Variants in TTYH2 observed in about 807,000 individuals in gnomAD.
The protein encoded by TTYH2 is tweety family member 2.
Under a neutral mutation model 68.3 loss-of-function variants are expected in TTYH2, and 49 were observed. The observed-to-expected ratio is 0.72, with a 90% CI of 0.57 to 0.91. The LOEUF is 0.91. Ranked by LOEUF, TTYH2 falls within the 40% of genes least tolerant of loss-of-function variation. The pLI, the probability that TTYH2 is intolerant of heterozygous loss-of-function variation, is 0.00. For missense variants in TTYH2, 631 were observed against 700.4 expected, an observed-to-expected ratio of 0.90 and a Z score of 1.12; for synonymous variants, 272 against 300.8, an observed-to-expected ratio of 0.90 and a Z score of 0.99.
At chr17:74,220,100 C>A (rs1480062117) in intron 1 of TTYH2, among the ~76,000 whole-genome samples, 2 of 152,046 alleles carry the variant, frequency 1.3e-5, no homozygotes, top group African/African-American at 4.8e-5. Flanking sequence ...CCCATCCCAG[C>A]ATCCCCAGTA....
At chr17:74,218,802 T>C (rs1567808959) in intron 1 of TTYH2, among the ~76,000 whole-genome samples, 1 of 152,126 alleles carries the variant, frequency 6.6e-6, no homozygotes, top group Non-Finnish European at 1.5e-5. Flanking sequence ...TTCAGGAGCT[T>C]TTCCCACTGG....
rs1413367778 is a variant in TTYH2 at position 74,239,186 on chromosome 17, G to A, written c.635+1672G>A. ...GCACTGGACACAATCGGCGGAGCAG[G>A]GACCTGCTGCCCCTCTCCAGGTGCA... On this transcript the variant is annotated intron_variant, in intron 4 of 13. Transcript: ENST00000269346. The surrounding 1 kb of genome is among the most constrained non-coding windows in gnomAD (Gnocchi z 5.3). Among the ~76,000 whole-genome samples the A allele has an allele frequency of 6.6e-6, 1 of 152,186 alleles. No individual in the cohort carries two copies. Among genetic ancestry groups the A allele is most frequent in the Non-Finnish European group, 1.5e-5 (1 of 68,042 alleles).
At chr17:74,240,852 G>A (rs1365399362) in intron 4 of TTYH2, 1 of 152,104 alleles carries the variant, frequency 6.6e-6, no homozygotes, top group African/African-American at 2.4e-5. Context: ...TAGAGGAGAT[G>A]TTTCCAGGAA....
At position 74,222,210 on chromosome 17, in the gene TTYH2, C is replaced by T. The variant is rs1237970807; in HGVS notation, c.130-275C>T. On this transcript the variant is annotated intron_variant, in intron 1 of 13. Transcript: ENST00000269346. The surrounding 1 kb of genome is among the most constrained non-coding windows in gnomAD (Gnocchi z 5.2). ...TCCGTATCTTCATCCAGGGTCTGAA[C>T]CAGAAACCGGAGACCAGCTCTGGCA... 6.6e-6 allele frequency among the ~76,000 whole-genome samples: 1 copy of T among 152,178 alleles called. No homozygotes were observed. The highest frequency in any genetic ancestry group is 2.4e-5 in the African/African-American group (1 of 41,438).
chr17:74,232,495 C>T lies in TTYH2; in HGVS notation c.414+1496C>T, dbSNP rs1320314667. Among the ~76,000 whole-genome samples the T allele has an allele frequency of 6.6e-6, 1 of 152,220 alleles. No homozygotes were observed. Among genetic ancestry groups the T allele is most frequent in the Non-Finnish European group, 1.5e-5 (1 of 68,036 alleles). On this transcript the variant is annotated intron_variant, in intron 3 of 13. Coordinates refer to ENST00000269346, the MANE Select transcript of TTYH2 (RefSeq NM_032646.6). The surrounding 1 kb of genome is among the most constrained non-coding windows in gnomAD (Gnocchi z 5.1). Reference sequence around the variant, plus strand: ...AGCCTTGCGCGGTGAGCTGGGGCGGCTGGGTTGGAGGAGCTGAGGGACAGC... The same window carrying T: ...AGCCTTGCGCGGTGAGCTGGGGCGGTTGGGTTGGAGGAGCTGAGGGACAGC...
At position 74,217,066 on chromosome 17, in the gene TTYH2, G is replaced by A. The variant is rs905610004; in HGVS notation, c.129+3350G>A. On this transcript the variant is annotated intron_variant, in intron 1 of 13. Transcript: ENST00000269346. This position sits in a 1 kb window ranked among gnomAD's most constrained non-coding sequence, Gnocchi z 4.0. ...GCAATGTCTCTCTGAGCAAATGAAC[G>A]AGGCACTTCGGTGTCCCTGCCTGAG... is the stretch of plus-strand genomic sequence containing the variant. 2.0e-5 allele frequency among the ~76,000 whole-genome samples: 3 copies of A among 152,202 alleles called. No homozygotes were observed. The highest frequency in any genetic ancestry group is 2.4e-5 in the African/African-American group (1 of 41,446).
At chr17:74,246,297 C>T (rs1305813801) in intron 6 of TTYH2, among the ~76,000 whole-genome samples, 1 of 152,186 alleles carries the variant, frequency 6.6e-6, no homozygotes, top group Non-Finnish European at 1.5e-5. Context: ...ATCCTCCCTT[C>T]ACCCCTTCCC....
chr17:74,251,180 G>A (rs1305170928), intron 10 of TTYH2, among the ~76,000 whole-genome samples: 1 of 151,558 alleles, frequency 6.6e-6, no homozygotes, highest in Non-Finnish European at 1.5e-5. Context: ...GCATGCTTGT[G>A]CGCATGTGTG....
chr17:74,237,640 T>G, intron 4 of TTYH2, 126 bp downstream of exon 4: 1 of 857,174 alleles, frequency 1.2e-6, no homozygotes, highest in Non-Finnish European at 1.7e-6. Context: ...TTGTTTTGTT[T>G]TTTTAAGACA....
intron 4 of TTYH2, among the ~76,000 whole-genome samples, chr17:74,238,123 T>G (rs971889636): frequency 5.9e-5 from 9 of 151,976 alleles, no homozygotes; most frequent in Non-Finnish European, 1.3e-4. Context: ...GGTGGGGTGC[T>G]TCTCTGGGAC....
chr17:74,232,199 G>GC lies in TTYH2; in HGVS notation c.414+1206dup, dbSNP rs2050396443. On this transcript the variant is annotated intron_variant, in intron 3 of 13. Coordinates refer to ENST00000269346, the MANE Select transcript of TTYH2 (RefSeq NM_032646.6). This position sits in a 1 kb window ranked among gnomAD's most constrained non-coding sequence, Gnocchi z 5.1. The stretch of plus-strand genomic sequence containing the variant: ...TCCAGAAGAGGATTGGACCCCATTT[G>GC]CCCCCCTCCTGCTCCCTTAAGCTCC... Among the ~76,000 whole-genome samples the GC allele has an allele frequency of 6.6e-6, 1 of 152,180 alleles. No individual in the cohort carries two copies. Among genetic ancestry groups the GC allele is most frequent in the African/African-American group, 2.4e-5 (1 of 41,438 alleles).
intron 13 of TTYH2, among the ~76,000 whole-genome samples, chr17:74,259,593 C>A (rs1262515728): frequency 6.6e-6 from 1 of 152,128 alleles, no homozygotes; most frequent in East Asian, 1.9e-4. Context: ...TTAGGCTCCC[C>A]AGGTGTTTCT....
At chr17:74,223,276 C>CT (rs1187472026) in intron 2 of TTYH2, among the ~76,000 whole-genome samples, 24 of 129,458 alleles carry the variant, frequency 1.9e-4, no homozygotes, top group African/African-American at 7.1e-4. Flanking sequence ...GCCTGCCTGG[C>CT]TTTTTTTTTG....
chr17:74,255,232 T>G (rs1442771111), intron 13 of TTYH2, among the ~76,000 whole-genome samples: 1 of 152,198 alleles, frequency 6.6e-6, no homozygotes, highest in Admixed American at 6.5e-5. Flanking sequence ...GGACAAGCAC[T>G]TTGCTGCTCT....
intron 1 of TTYH2, among the ~76,000 whole-genome samples, chr17:74,220,143 G>A (rs1039850486): frequency 6.6e-6 from 1 of 152,092 alleles, no homozygotes; most frequent in Non-Finnish European, 1.5e-5. Context: ...ACCAGGCCTC[G>A]CTGGTTTGCA....
At chr17:74,258,302 G>T (rs2050713194) in intron 13 of TTYH2, among the ~76,000 whole-genome samples, 1 of 151,710 alleles carries the variant, frequency 6.6e-6, no homozygotes, top group Non-Finnish European at 1.5e-5. Flanking sequence ...TTTCACTCTT[G>T]TTGCCCAGGC....
chr17:74,249,494 C>T (rs553272917), intron 8 of TTYH2, 95 bp downstream of exon 8: 84 of 1,338,702 alleles, frequency 6.3e-5, no homozygotes, highest in Non-Finnish European at 8.7e-5. Context: ...GGTGGCAGGG[C>T]CTTGCTTGCC....
chr17:74,230,928 A>T lies in TTYH2; in HGVS notation c.343A>T (p.Asn115Tyr), dbSNP rs773486894. The part of the protein sequence containing the change: ...GVGFYGNSET[N>Y]DGAYQLMYSL... ...TGGTTTCTATGGAAACAGCGAGACCAACGATGGGGCGTACCAGCTGATGTA... is the reference window on the plus strand; with the variant it reads ...TGGTTTCTATGGAAACAGCGAGACCTACGATGGGGCGTACCAGCTGATGTA... Residue 115 changes from asparagine (N) to tyrosine (Y), a missense_variant, in exon 3 of 14, where the codon AAC becomes TAC. Transcript: ENST00000269346. 1.9e-6 allele frequency: 3 copies of T among 1,614,210 alleles called. No individual in the cohort carries two copies. The South Asian group carries it at 3.3e-5, about 18-fold the overall frequency.
In TTYH2 at chr17:74,215,503, G is replaced by A. The variant is rs1051307146; in HGVS notation, c.129+1787G>A. On this transcript the variant is annotated intron_variant, in intron 1 of 13. Coordinates refer to ENST00000269346, the MANE Select transcript of TTYH2 (RefSeq NM_032646.6). The surrounding 1 kb of genome is among the most constrained non-coding windows in gnomAD (Gnocchi z 4.3). Reference sequence around the variant, plus strand: ...CCCCTCCTCCCAGGATTCTGGCCCCGGCTCACTTTGTGCTGGGCATCAAAT... The same window carrying A: ...CCCCTCCTCCCAGGATTCTGGCCCCAGCTCACTTTGTGCTGGGCATCAAAT... The A allele has an allele frequency of 3.1e-5, 27 of 861,812 alleles. No homozygotes were observed. Among genetic ancestry groups the A allele is most frequent in the South Asian group, 1.6e-4 (9 of 57,576 alleles). The allele number at this position is 861,812 out of a possible 1,614,324, so 53.4% of individuals were successfully genotyped here. A position where few individuals can be genotyped will look rare whatever the true frequency, so the allele number is the denominator to read the frequency against.
Sources: allele counts gnomAD v4.1 joint callset (sites outside exome capture counted in the v4.1 genomes callset), GRCh38; gene constraint gnomAD v4.1.1; non-coding constraint Gnocchi (gnomAD v3.1); transcripts MANE v1.5; gene names NCBI Gene and HGNC (gene_info 2026-07-23, HGNC 2026-07-21).